The following MYZAP variants were observed in gnomAD, a reference collection of about 807,000 sequenced individuals.
MYZAP encodes GRINL1A complex locus upstream.
In MYZAP, 66 loss-of-function variants were observed where a neutral mutation model predicts 69.4. That is an observed-to-expected ratio of 0.95 (90% confidence interval 0.78 to 1.17). The LOEUF is 1.17. Ranked by LOEUF, MYZAP falls within the 50% of genes most tolerant of loss-of-function variation. The pLI is 0.00. For synonymous variants in MYZAP, 256 were observed against 205.9 expected, an observed-to-expected ratio of 1.24 and a Z score of -2.09; for missense variants, 611 against 556.2, an observed-to-expected ratio of 1.10 and a Z score of -0.99.
At position 57,684,398 on chromosome 15, in the gene MYZAP, T is replaced by C; in HGVS notation, c.1305-4T>C. ...TTCCTGACCTGCATTTTCTCATTTC[T>C]CAGCCAAACAGGCAGGACTCGTGAA... On this transcript the variant is annotated splice_polypyrimidine_tract_variant and splice_region_variant and intron_variant, in intron 12 of 12. Transcript: ENST00000267853. The C allele has an allele frequency of 6.2e-7, 1 of 1,609,068 alleles. No homozygotes were observed. The highest frequency in any genetic ancestry group is 1.7e-5 in the Admixed American group (1 of 59,750).
chr15:57,644,510 A>G (rs1442196792), intron 10 of MYZAP, among the ~76,000 whole-genome samples: 1 of 152,058 alleles, frequency 6.6e-6, no homozygotes, highest in Non-Finnish European at 1.5e-5. Context: ...CAGTGGTGCA[A>G]TCATACCTTC....
At chr15:57,676,422 GTATATATATATATGTA>G in intron 12 of MYZAP, among the ~76,000 whole-genome samples, 5 of 24,702 alleles carry the variant, frequency 2.0e-4, no homozygotes, top group African/African-American at 2.6e-4. Flanking sequence ...ATATATATGT[GTATATATATATATGTA>G]TATATATATA....
chr15:57,601,292 G>GTGTGTGTGTGTGTGTGTGTT (rs1326353288), intron 1 of MYZAP, among the ~76,000 whole-genome samples: 1 of 151,684 alleles, frequency 6.6e-6, no homozygotes, highest in Non-Finnish European at 1.5e-5. Context: ...GTGTGTGTGT[G>GTGTGTGTGTGTGTGTGTGTT]TGTGTGTGAT....
At chr15:57,609,736 G>A (rs1212230836) in intron 2 of MYZAP, among the ~76,000 whole-genome samples, 1 of 152,188 alleles carries the variant, frequency 6.6e-6, no homozygotes, top group Admixed American at 6.5e-5. Flanking sequence ...ATATGGGAGG[G>A]AGGATGCTGA....
At chr15:57,654,591 T>C (rs894580456) in intron 10 of MYZAP, among the ~76,000 whole-genome samples, 5 of 152,228 alleles carry the variant, frequency 3.3e-5, no homozygotes, top group Non-Finnish European at 7.3e-5. Flanking sequence ...GTTTTCTTCA[T>C]TAATTTCTCT....
intron 11 of MYZAP, among the ~76,000 whole-genome samples, chr15:57,666,358 T>G (rs1466530197): frequency 2.0e-5 from 3 of 152,200 alleles, no homozygotes; most frequent in African/African-American, 7.2e-5. Flanking sequence ...GACAGGCCCT[T>G]TCCTAGGTCA....
chr15:57,647,212 G>A (rs1443529203), intron 10 of MYZAP: 1 of 985,292 alleles, frequency 1.0e-6, no homozygotes, highest in Non-Finnish European at 1.2e-6. Flanking sequence ...GGAGGGGATG[G>A]GAAAGAAGCA....
intron 8 of MYZAP, 50 bp downstream of exon 8, chr15:57,633,791 T>C (rs2036652146): frequency 6.9e-7 from 1 of 1,450,734 alleles, no homozygotes; most frequent in Non-Finnish European, 9.1e-7. Flanking sequence ...CTTTTCCCTG[T>C]AGGTCCATCT....
At chr15:57,632,289 G>T in intron 6 of MYZAP, 145 bp from the exon 7 acceptor site, 2 of 1,348,170 alleles carry the variant, frequency 1.5e-6, no homozygotes, top group South Asian at 1.5e-5. Flanking sequence ...CCCTTTCCCT[G>T]TTAGGTCTTG....
At chr15:57,648,259 C>A (rs774277707) in intron 10 of MYZAP, 222 of 984,972 alleles carry the variant, frequency 2.3e-4, no homozygotes, top group Non-Finnish European at 2.6e-4. Flanking sequence ...GTATTGGTTT[C>A]GGTATTCACA....
At position 57,685,036 on chromosome 15, in the gene MYZAP, C is replaced by T. The variant is rs1378184303; in HGVS notation, c.*538C>T. 1 of 153,602 alleles carries T rather than the reference C, an allele frequency of 6.5e-6. No homozygotes were observed. The highest frequency in any genetic ancestry group is 1.4e-5 in the Non-Finnish European group (1 of 69,000). 9.5% of individuals were successfully genotyped at this position (153,602 alleles called of 1,614,324 possible). ...GCTCTTTCCTCTTGGTCCCAAGCAT[C>T]TGTGCAGGGTCGTGGGAGCCACACT... On this transcript the variant is annotated 3_prime_UTR_variant, in exon 13 of 13. Transcript: ENST00000267853.
In MYZAP at chr15:57,674,949, C is replaced by CT. The variant is rs1417851704; in HGVS notation, c.1204-12dup. On this transcript the variant is annotated intron_variant, in intron 11 of 12. Transcript: ENST00000267853. Reference sequence around the variant, plus strand: ...AACATATTTGACTTACTGAAAGTACCTTTTTTTCTCATCTCCAGAATAATG... The same window carrying CT: ...AACATATTTGACTTACTGAAAGTACCTTTTTTTTCTCATCTCCAGAATAATG... 1.2e-6 allele frequency: 2 copies of CT among 1,600,768 alleles called. No homozygotes were observed. Among genetic ancestry groups the CT allele is most frequent in the Non-Finnish European group, 1.7e-6 (2 of 1,173,698 alleles).
chr15:57,660,063 T>A (rs1011651945), intron 10 of MYZAP, among the ~76,000 whole-genome samples: 3 of 152,218 alleles, frequency 2.0e-5, no homozygotes, highest in Non-Finnish European at 4.4e-5. Context: ...CTGCATTTTT[T>A]GGAAGGTTAC....
At chr15:57,606,758 G>C (rs2034777237) in intron 2 of MYZAP, among the ~76,000 whole-genome samples, 1 of 152,056 alleles carries the variant, frequency 6.6e-6, no homozygotes, top group Non-Finnish European at 1.5e-5. Flanking sequence ...AGATATACTG[G>C]GATGACTATA....
intron 4 of MYZAP, among the ~76,000 whole-genome samples, chr15:57,625,482 T>G (rs538357519): frequency 2.0e-5 from 3 of 152,308 alleles, no homozygotes; most frequent in East Asian, 3.9e-4. Context: ...TGTTTGACAG[T>G]GAGCAAATCA....
At chr15:57,633,569 C>T (rs760464970) in intron 7 of MYZAP, 44 bp from the exon 8 acceptor site, 26 of 1,574,278 alleles carry the variant, frequency 1.7e-5, no homozygotes, top group East Asian at 1.6e-4. Flanking sequence ...TGAGTAGCCT[C>T]GGTACTCCAT....
chr15:57,654,008 A>G (rs2037866493), intron 10 of MYZAP, among the ~76,000 whole-genome samples: 1 of 64,288 alleles, frequency 1.6e-5, no homozygotes, highest in Non-Finnish European at 3.3e-5. Flanking sequence ...CTGTCAAAAA[A>G]AAAAAAAAAA....
chr15:57,661,393 C>T, intron 10 of MYZAP, 57 bp from the exon 11 acceptor site: 1 of 1,300,476 alleles, frequency 7.7e-7, no homozygotes, highest in Non-Finnish European at 1.1e-6. Context: ...GTTGATAAAC[C>T]TGTACTTACA....
intron 2 of MYZAP, among the ~76,000 whole-genome samples, chr15:57,617,549 C>G (rs1431674818): frequency 3.3e-5 from 5 of 152,128 alleles, no homozygotes; most frequent in Non-Finnish European, 5.9e-5. Flanking sequence ...CTAACACTAC[C>G]CCCTTTTCTT....
Sources: allele counts gnomAD v4.1 joint callset (sites outside exome capture counted in the v4.1 genomes callset), GRCh38; gene constraint gnomAD v4.1.1; transcripts MANE v1.5; gene names NCBI Gene and HGNC (gene_info 2026-07-23, HGNC 2026-07-21).